The following AKAP9 variants were observed in gnomAD, a reference collection of about 807,000 sequenced individuals.
AKAP9 encodes A-kinase anchor protein 9.
A neutral mutation model predicts 488.5 loss-of-function variants in AKAP9; 311 were observed. The observed-to-expected ratio is 0.64, with a 90% confidence interval of 0.58 to 0.70. The LOEUF (loss-of-function observed/expected upper bound fraction) is 0.70, where lower values mean the gene tolerates loss of function less well. Ranked by LOEUF, AKAP9 falls within the 30% of genes least tolerant of loss-of-function variation. The pLI, the probability that AKAP9 is intolerant of heterozygous loss-of-function variation, is 0.00. For synonymous variants in AKAP9, 1,462 were observed against 1,483.5 expected (o/e 0.99, Z 0.33); for missense variants, 4,215 against 4,374.5 (o/e 0.96, Z 1.03).
chr7:91,969,552 G>A (rs1794802306), intron 1 of AKAP9, among the ~76,000 whole-genome samples: 1 of 152,090 alleles, frequency 6.6e-6, no homozygotes, highest in African/African-American at 2.4e-5. Flanking sequence ...TCTCCCTTTA[G>A]ATCTATTAAT....
chr7:92,066,627 A>C, intron 26 of AKAP9, 81 bp downstream of exon 26: 1 of 1,522,834 alleles, frequency 6.6e-7, no homozygotes, highest in Non-Finnish European at 9.1e-7. Flanking sequence ...AAAAACTTAA[A>C]AGTGGATTCT....
At position 92,001,012 on chromosome 7, in the gene AKAP9, G is replaced by C. The variant is rs1256843536; in HGVS notation, c.1095G>C (p.Gln365His). 1 of 1,561,590 alleles carries C rather than the reference G, an allele frequency of 6.4e-7. No homozygotes were observed. The highest frequency in any genetic ancestry group is 1.4e-5 in the African/African-American group (1 of 72,768). ...ADKLLGELQE[Q>H]IVQKNQEIKN... The stretch of plus-strand genomic sequence containing the variant: ...AATTACTAGGAGAATTACAAGAACA[G>C]ATTGTGCAAAAGAACCAAGAAATAA... The change falls in exon 8 of 50, where the codon CAG becomes CAC. Residue 365 changes from glutamine to histidine, a missense_variant. This residue lies in a region of AKAP9 where 2,361 missense variants were observed against 2,430.0 expected (regional missense o/e 0.97). Transcript: ENST00000356239.
chr7:92,028,449 A>AGT (rs1803685938), intron 14 of AKAP9, among the ~76,000 whole-genome samples: 1 of 152,108 alleles, frequency 6.6e-6, no homozygotes, highest in Non-Finnish European at 1.5e-5. Flanking sequence ...GGATCAGAGC[A>AGT]GTATATACAA....
At chr7:91,970,425 A>T (rs1446947091) in intron 1 of AKAP9, 1 of 452,954 alleles carries the variant, frequency 2.2e-6, no homozygotes, top group East Asian at 7.0e-5. Context: ...AGTGGGTTGT[A>T]TACCTTTACA....
intron 21 of AKAP9, among the ~76,000 whole-genome samples, chr7:92,046,491 T>G (rs1237286206): frequency 6.6e-6 from 1 of 152,254 alleles, no homozygotes; most frequent in African/African-American, 2.4e-5. Flanking sequence ...AGAGAAAAGC[T>G]TGATTTGGAA....
At chr7:92,076,230 C>A (rs1258127698) in intron 28 of AKAP9, among the ~76,000 whole-genome samples, 3 of 152,194 alleles carry the variant, frequency 2.0e-5, no homozygotes, top group African/African-American at 7.2e-5. Flanking sequence ...AATCCATCCT[C>A]AAAATGATTA....
intron 27 of AKAP9, 135 bp downstream of exon 27, chr7:92,070,341 A>C: frequency 9.8e-7 from 1 of 1,024,780 alleles, no homozygotes; most frequent in Non-Finnish European, 1.5e-6. Flanking sequence ...GTTTGTTCTT[A>C]TTTCCAAATG....
chr7:92,026,144 G>A (rs1306846940), intron 14 of AKAP9, among the ~76,000 whole-genome samples: 1 of 152,150 alleles, frequency 6.6e-6, no homozygotes, highest in Admixed American at 6.5e-5. Flanking sequence ...AGGGAATATG[G>A]AAAATGAAGG....
intron 3 of AKAP9, among the ~76,000 whole-genome samples, chr7:91,980,643 TA>T (rs1039347663): frequency 6.6e-6 from 1 of 151,784 alleles, no homozygotes; most frequent in African/African-American, 2.4e-5. Context: ...TTTAGCACAG[TA>T]AAAATATCAA....
chr7:92,018,432 A>ACACACACACACACT (rs1801840728), intron 12 of AKAP9, among the ~76,000 whole-genome samples: 4 of 139,314 alleles, frequency 2.9e-5, no homozygotes. Flanking sequence ...ACACACACAC[A>ACACACACACACACT]CACACACACA....
rs779767584 is a variant in AKAP9 at position 92,082,510 on chromosome 7, G to T, written c.8020-12G>T. 1.1e-5 allele frequency: 17 copies of T among 1,612,436 alleles called. No individual in the cohort carries two copies. Among genetic ancestry groups the T allele is most frequent in the Non-Finnish European group, 1.3e-5 (15 of 1,178,980 alleles). ...TAAATTATGTGTTTCTTGTGTTTCCGCTGTCATTCAGACAACTACTGAGCT... is the reference window on the plus strand; with the variant it reads ...TAAATTATGTGTTTCTTGTGTTTCCTCTGTCATTCAGACAACTACTGAGCT... On this transcript the variant is annotated splice_polypyrimidine_tract_variant and intron_variant, in intron 31 of 49. Coordinates refer to ENST00000356239, the MANE Select transcript of AKAP9 (RefSeq NM_005751.5).
chr7:92,062,353 T>G lies in AKAP9; in HGVS notation c.5844T>G (p.Leu1948=), dbSNP rs1402578701. ...AAAAAACTGATATAATAGATCGTCT[T>G]GAGCAGGAGTTGTTATGTGCAAGTA... ...IQEKTDIIDR[L]EQELLCASNR... is the part of the protein sequence containing the mutation. Residue 1948 remains leucine, a synonymous_variant, in exon 24 of 50, where the codon CTT becomes CTG. Coordinates refer to ENST00000356239, the MANE Select transcript of AKAP9 (RefSeq NM_005751.5). The G allele has an allele frequency of 6.2e-7, 1 of 1,613,900 alleles. No individual in the cohort carries two copies. The highest frequency in any genetic ancestry group is 1.1e-5 in the South Asian group (1 of 91,082).
intron 3 of AKAP9, among the ~76,000 whole-genome samples, chr7:91,982,576 T>C (rs1796572268): frequency 6.6e-6 from 1 of 152,230 alleles, no homozygotes; most frequent in Non-Finnish European, 1.5e-5. Flanking sequence ...CACATTTTCT[T>C]TATCCAGTCT....
At chr7:91,947,010 C>A (rs1016303522) in intron 1 of AKAP9, among the ~76,000 whole-genome samples, 5 of 152,020 alleles carry the variant, frequency 3.3e-5, no homozygotes, top group Non-Finnish European at 7.4e-5. Flanking sequence ...CAATAAGGGA[C>A]ATTATTTATA....
chr7:92,042,747 C>T lies in AKAP9; in HGVS notation c.5138C>T (p.Pro1713Leu). 1 of 1,610,852 alleles carries T rather than the reference C, an allele frequency of 6.2e-7. No homozygotes were observed. The highest frequency in any genetic ancestry group is 1.1e-5 in the South Asian group (1 of 91,008). The change falls in exon 20 of 50, where the codon CCT becomes CTT. Residue 1713 changes from proline to leucine, a missense_variant. Pro to Leu is a moderately conservative substitution (Grantham distance 98). Coordinates refer to ENST00000356239, the MANE Select transcript of AKAP9 (RefSeq NM_005751.5). ...KELDRKPEDV[P>L]PEILSNERYA... Reference sequence around the variant, plus strand: ...TTAGACAGAAAACCTGAAGATGTGCCTCCTGAGATTTTGTCTAATGAAAGG... The same window carrying T: ...TTAGACAGAAAACCTGAAGATGTGCTTCCTGAGATTTTGTCTAATGAAAGG...
In AKAP9 at chr7:92,022,246, A is replaced by G. The variant is rs1410288190; in HGVS notation, c.3846A>G (p.Gly1282=). Residue 1282 remains glycine (G), a synonymous_variant, in exon 13 of 50, where the codon GGA becomes GGG. Coordinates refer to ENST00000356239, the MANE Select transcript of AKAP9 (RefSeq NM_005751.5). ...VLQTRLSKIW[G]QQTDGMKLEF... The stretch of plus-strand genomic sequence containing the variant: ...TCTGTGGTTTTCAATAGATCTGGGG[A>G]CAGCAGACAGATGGTATGAAACTTG... 6.2e-7 allele frequency: 1 copy of G among 1,609,190 alleles called. No individual in the cohort carries two copies. Among genetic ancestry groups the G allele is most frequent in the African/African-American group, 1.3e-5 (1 of 74,786 alleles).
chr7:92,052,283 CA>C (rs11365234), intron 21 of AKAP9, among the ~76,000 whole-genome samples: 68,723 of 151,834 alleles, frequency 0.45, 16,725 homozygotes, highest in African/African-American at 0.64. Flanking sequence ...TCCCTCTGTA[CA>C]ATTTGAAATG....
chr7:92,082,070 G>A (rs1182019164), intron 31 of AKAP9, among the ~76,000 whole-genome samples: 1 of 152,030 alleles, frequency 6.6e-6, no homozygotes, highest in Non-Finnish European at 1.5e-5. Flanking sequence ...GAGCAGCTGG[G>A]ACTACAGGTG....
intron 12 of AKAP9, among the ~76,000 whole-genome samples, chr7:92,018,596 C>T (rs1230476298): frequency 1.3e-5 from 2 of 152,158 alleles, no homozygotes; most frequent in Admixed American, 1.3e-4. Context: ...TAAACACATG[C>T]TCAGTGTACT....
Sources: gnomAD v4.1 joint callset for allele counts (sites outside exome capture counted in the v4.1 genomes callset) on GRCh38, gnomAD v4.1.1 for gene constraint, gnomAD v4.1.1 regional missense constraint, MANE v1.5 for transcripts, NCBI Gene and HGNC (gene_info 2026-07-23, HGNC 2026-07-21) for gene names.